HPSE2: variants seen among roughly 807,000 people sequenced by gnomAD.
The protein encoded by HPSE2 is heparanase 2 (inactive), also known as inactive heparanase-2.
A neutral mutation model predicts 60.5 loss-of-function variants in HPSE2; 38 were observed. That is an observed-to-expected ratio of 0.63 (90% confidence interval 0.48 to 0.82). The LOEUF (loss-of-function observed/expected upper bound fraction) is 0.82. Ranked by LOEUF, HPSE2 falls within the 40% of genes least tolerant of loss-of-function variation. The probability of loss-of-function intolerance (pLI) is 0.00; values close to 1 mark genes in which losing one functional copy is unlikely to be tolerated. For synonymous variants in HPSE2, 295 were observed against 293.2 expected, an observed-to-expected ratio of 1.01 and a Z score of -0.06; for missense variants, 713 against 740.4, an observed-to-expected ratio of 0.96 and a Z score of 0.43.
intron 3 of HPSE2, among the ~76,000 whole-genome samples, chr10:98,959,592 T>C (rs982664412): frequency 9.9e-5 from 15 of 152,166 alleles, no homozygotes; most frequent in African/African-American, 3.6e-4. Flanking sequence ...AGAGGCTGTA[T>C]TTCTGAAGCT....
intron 9 of HPSE2, among the ~76,000 whole-genome samples, chr10:98,554,645 T>C (rs1330999834): frequency 2.6e-5 from 4 of 152,214 alleles, no homozygotes; most frequent in African/African-American, 9.6e-5. Flanking sequence ...GCAAGTATTA[T>C]AAAAGTAAGT....
At chr10:98,478,776 T>C (rs1941121413) in intron 11 of HPSE2, among the ~76,000 whole-genome samples, 1 of 152,232 alleles carries the variant, frequency 6.6e-6, no homozygotes, top group Admixed American at 6.5e-5. Flanking sequence ...CCCTGAAGAA[T>C]ATGTATTCCA....
chr10:98,988,098 C>T (rs1237502537), intron 3 of HPSE2, among the ~76,000 whole-genome samples: 1 of 152,084 alleles, frequency 6.6e-6, no homozygotes, highest in Non-Finnish European at 1.5e-5. Context: ...CAATGCCATC[C>T]CCATCAAGCT....
intron 3 of HPSE2, among the ~76,000 whole-genome samples, chr10:98,866,003 A>C (rs978211995): frequency 2.0e-5 from 3 of 152,182 alleles, no homozygotes; most frequent in Admixed American, 1.3e-4. Context: ...ATGTACAATT[A>C]TCTCTCATTC....
intron 4 of HPSE2, among the ~76,000 whole-genome samples, chr10:98,737,038 TA>T (rs1234651145): frequency 2.0e-5 from 3 of 152,148 alleles, no homozygotes; most frequent in Non-Finnish European, 2.9e-5. Flanking sequence ...AAGAAGCAGG[TA>T]AAAAGACTAT....
intron 3 of HPSE2, chr10:99,013,917 GA>G: frequency 2.3e-6 from 1 of 430,074 alleles, no homozygotes; most frequent in South Asian, 1.8e-5. Context: ...CCTGGTGATT[GA>G]ACAGTCTCCA....
chr10:99,242,984 A>G, the HPSE2 span, among the ~76,000 whole-genome samples: 2 of 152,192 alleles, frequency 1.3e-5, no homozygotes, highest in African/African-American at 4.8e-5. Flanking sequence ...TTGAAATATA[A>G]TTTACATATA....
chr10:98,693,992 C>A, intron 5 of HPSE2, 45 bp from the exon 6 acceptor site: 1 of 1,396,020 alleles, frequency 7.2e-7, no homozygotes, highest in Non-Finnish European at 1.0e-6. Flanking sequence ...TTAGATTAAA[C>A]CACATCCCCT....
At chr10:99,295,118 A>G in the HPSE2 span, among the ~76,000 whole-genome samples, 1 of 151,754 alleles carries the variant, frequency 6.6e-6, no homozygotes, top group Non-Finnish European at 1.5e-5. Context: ...TAACAGTAAT[A>G]ATAGCCTTTC....
At chr10:98,722,455 C>A (rs1389409566) in intron 4 of HPSE2, among the ~76,000 whole-genome samples, 4 of 151,866 alleles carry the variant, frequency 2.6e-5, no homozygotes, top group Non-Finnish European at 5.9e-5. Flanking sequence ...AGATTTCTGG[C>A]CTCCTAAAAT....
At chr10:98,889,033 A>C (rs191219544) in intron 3 of HPSE2, among the ~76,000 whole-genome samples, 4 of 152,288 alleles carry the variant, frequency 2.6e-5, no homozygotes, top group Non-Finnish European at 4.4e-5. Context: ...CTATTAAAAA[A>C]TTAGAAGTCT....
intron 3 of HPSE2, among the ~76,000 whole-genome samples, chr10:98,849,612 T>C (rs886116438): frequency 6.6e-6 from 1 of 151,846 alleles, no homozygotes; most frequent in African/African-American, 2.4e-5. Flanking sequence ...GGCCATAACC[T>C]CTCCTAAAGG....
At position 98,753,744 on chromosome 10, in the gene HPSE2, T is replaced by C. The variant is rs149135846; in HGVS notation, c.611-9688A>G. Reference sequence around the variant, plus strand: ...TTAGAGCATGCAGCCCAGAAATGCTTAGCTGAGCCTCGGCCCCTGAAATCC... The same window carrying C: ...TTAGAGCATGCAGCCCAGAAATGCTCAGCTGAGCCTCGGCCCCTGAAATCC... On this transcript the variant is annotated intron_variant, in intron 3 of 11. Transcript: ENST00000370552. 1.2e-4 allele frequency among the ~76,000 whole-genome samples: 19 copies of C among 152,236 alleles called. No homozygotes were observed. The East Asian group carries it at 2.7e-3, about 22-fold the overall frequency.
chr10:98,975,691 G>A (rs1227219956), intron 3 of HPSE2, among the ~76,000 whole-genome samples: 1 of 152,166 alleles, frequency 6.6e-6, no homozygotes, highest in Non-Finnish European at 1.5e-5. Flanking sequence ...CAGCTCATGT[G>A]TTTCAAGAGT....
chr10:98,721,901 C>T (rs1948936098), intron 4 of HPSE2, 73 bp from the exon 5 acceptor site: 1 of 1,213,262 alleles, frequency 8.2e-7, no homozygotes, highest in African/African-American at 1.5e-5. Flanking sequence ...GTCCACAGAT[C>T]TCTCTGCCTT....
intron 3 of HPSE2, among the ~76,000 whole-genome samples, chr10:98,757,848 T>C (rs1949913015): frequency 6.6e-6 from 1 of 152,078 alleles, no homozygotes; most frequent in Admixed American, 6.6e-5. Context: ...TATTTTAAAA[T>C]TCATATGGAA....
intron 3 of HPSE2, among the ~76,000 whole-genome samples, chr10:98,757,010 T>C (rs1331618988): frequency 6.6e-6 from 1 of 152,176 alleles, no homozygotes; most frequent in African/African-American, 2.4e-5. Flanking sequence ...ATTCCTGGGA[T>C]GCAACATTGC....
upstream of HPSE2, among the ~76,000 whole-genome samples, chr10:99,239,078 G>C (rs917750217): frequency 6.6e-6 from 1 of 152,146 alleles, no homozygotes; most frequent in African/African-American, 2.4e-5. Flanking sequence ...AGAATTGCTT[G>C]AACCTGGGAG....
chr10:99,244,950 A>T, the HPSE2 span, among the ~76,000 whole-genome samples: 17 of 152,052 alleles, frequency 1.1e-4, no homozygotes, highest in African/African-American at 3.9e-4. Context: ...AATACTAGTT[A>T]TATTAAACCT....
Sources: allele counts gnomAD v4.1 joint callset (sites outside exome capture counted in the v4.1 genomes callset), GRCh38; gene constraint gnomAD v4.1.1; transcripts MANE v1.5; gene names NCBI Gene and HGNC (gene_info 2026-07-23, HGNC 2026-07-21).